Variants in CMIP observed in about 807,000 individuals in gnomAD.
CMIP encodes c-Maf inducing protein, also known as C-Maf-inducing protein.
In CMIP, 13 loss-of-function variants were observed where a neutral mutation model predicts 97.3. The observed-to-expected ratio is 0.13, with a 90% CI of 0.09 to 0.21. The LOEUF (loss-of-function observed/expected upper bound fraction) is 0.21. Ranked by LOEUF, CMIP falls within the 10% of genes least tolerant of loss-of-function variation. The pLI, the probability that CMIP is intolerant of heterozygous loss-of-function variation, is 1.00. For missense variants in CMIP, 847 were observed against 1,024.9 expected, an observed-to-expected ratio of 0.83 and a Z score of 2.37; for synonymous variants, 538 against 436.3, an observed-to-expected ratio of 1.23 and a Z score of -2.91.
intron 1 of CMIP, among the ~76,000 whole-genome samples, chr16:81,530,342 C>T (rs1489396293): frequency 3.3e-5 from 5 of 152,146 alleles, no homozygotes; most frequent in South Asian, 2.1e-4. Context: ...ATCCGGATCC[C>T]TCAGGGACCT....
At chr16:81,481,357 G>A (rs1317443320) in intron 1 of CMIP, among the ~76,000 whole-genome samples, 4 of 152,010 alleles carry the variant, frequency 2.6e-5, no homozygotes, top group African/African-American at 9.7e-5. Context: ...GGCCTTGAGC[G>A]ACTGTGTGTA....
chr16:81,531,634 G>T (rs984763350), intron 1 of CMIP, among the ~76,000 whole-genome samples: 4 of 152,226 alleles, frequency 2.6e-5, no homozygotes, highest in African/African-American at 9.6e-5. Flanking sequence ...CACACCTCGA[G>T]GGGCAAGCCT....
At position 81,598,968 on chromosome 16, in the gene CMIP, C is replaced by CAAAAAAAAAAAAAAAAAAA. The variant is rs141717317; in HGVS notation, c.301-8595_301-8577dup. ...TGAGTGACAGAGCAAGACTCTGTCT[C>CAAAAAAAAAAAAAAAAAAA]AAAAAAAAAAAAAAAAAAAAAAGAG... is the stretch of plus-strand genomic sequence containing the variant. On this transcript the variant is annotated intron_variant, in intron 1 of 20. Transcript: ENST00000537098. 6.6e-4 allele frequency among the ~76,000 whole-genome samples: 33 copies of CAAAAAAAAAAAAAAAAAAA among 49,844 alleles called. 1 individual carries two copies. Among genetic ancestry groups the CAAAAAAAAAAAAAAAAAAA allele is most frequent in the East Asian group, 1.8e-3 (3 of 1,628 alleles). 32.7% of individuals were successfully genotyped at this position (49,844 alleles called of 152,430 possible). A position where few individuals can be genotyped will look rare whatever the true frequency, so the allele number is the denominator to read the frequency against.
chr16:81,661,494 T>C (rs1051059858), intron 6 of CMIP, among the ~76,000 whole-genome samples: 3 of 152,318 alleles, frequency 2.0e-5, no homozygotes, highest in Admixed American at 6.5e-5. Flanking sequence ...TGCTGTGTGG[T>C]TTTTTTAGTG....
chr16:81,573,836 C>T (rs965378172), intron 1 of CMIP, among the ~76,000 whole-genome samples: 1 of 152,188 alleles, frequency 6.6e-6, no homozygotes, highest in Non-Finnish European at 1.5e-5. Flanking sequence ...ATGCGTGGCC[C>T]AGAGGCAGTT....
intron 8 of CMIP, among the ~76,000 whole-genome samples, chr16:81,670,921 C>T (rs76335331): frequency 0.1 from 15,310 of 152,040 alleles, 1,266 homozygotes; most frequent in East Asian, 0.39. Context: ...CTCCGGCTCC[C>T]GGGTTCAAGC....
Position 81,616,152 on chromosome 16 carries a change from TA to T in CMIP, c.427-4723del, listed in dbSNP as rs372888608. On this transcript the variant is annotated intron_variant, in intron 2 of 20. Transcript: ENST00000537098. The surrounding 1 kb of genome is among the most constrained non-coding windows in gnomAD (Gnocchi z 4.7). Reference sequence around the variant, plus strand: ...TACATGTCATTAATTCATTCAGCTGTATTTTTTTTTTTTTTTTTTTAACACC... The same window carrying T: ...TACATGTCATTAATTCATTCAGCTGTTTTTTTTTTTTTTTTTTTTAACACC... 2.1e-5 allele frequency among the ~76,000 whole-genome samples: 3 copies of T among 139,606 alleles called. No individual in the cohort carries two copies. Among genetic ancestry groups the T allele is most frequent in the Non-Finnish European group, 4.7e-5 (3 of 64,516 alleles). The allele number at this position is 139,606 out of a possible 152,430, so 91.6% of individuals were successfully genotyped here.
chr16:81,613,602 T>C (rs892569192), intron 2 of CMIP, among the ~76,000 whole-genome samples: 5 of 152,234 alleles, frequency 3.3e-5, no homozygotes, highest in African/African-American at 1.2e-4. Context: ...TGTAAAATAC[T>C]TAGCACTGTG....
chr16:81,651,235 G>C (rs1402299066), intron 3 of CMIP: 1 of 153,434 alleles, frequency 6.5e-6, no homozygotes, highest in Non-Finnish European at 1.4e-5. Flanking sequence ...AGCAGGCCGG[G>C]TGCATGGGGC....
chr16:81,578,554 G>C (rs73596490), intron 1 of CMIP, among the ~76,000 whole-genome samples: 5,780 of 152,268 alleles, frequency 0.038, 325 homozygotes, highest in African/African-American at 0.12. Flanking sequence ...GCTCACATTG[G>C]AGAGAGCTGT....
At chr16:81,484,621 C>G (rs1597466467) in intron 1 of CMIP, among the ~76,000 whole-genome samples, 1 of 152,146 alleles carries the variant, frequency 6.6e-6, no homozygotes, top group Non-Finnish European at 1.5e-5. Context: ...ATCTCCGGCT[C>G]TCTGCTGCAG....
chr16:81,652,240 C>G lies in CMIP; in HGVS notation c.515C>G (p.Pro172Arg). The change falls in exon 4 of 21, where the codon CCA (proline) becomes CGA (arginine). Residue 172 changes from proline to arginine, a missense_variant. Pro to Arg is a moderately radical substitution (Grantham distance 103). Coordinates refer to ENST00000537098, the MANE Select transcript of CMIP (RefSeq NM_198390.3). The surrounding 1 kb of genome is among the most constrained non-coding windows in gnomAD (Gnocchi z 5.2). ...AAATATAAGAAAGTGCTGAGTAACC[C>G]AAGCCGCTGGGAAGTTGTCTTGAAA... ...IYKYKKVLSN[P>R]SRWEVVLKEI... 1 of 1,613,680 alleles carries G rather than the reference C, an allele frequency of 6.2e-7. No homozygotes were observed. Among genetic ancestry groups the G allele is most frequent in the Non-Finnish European group, 8.5e-7 (1 of 1,179,626 alleles).
At chr16:81,618,249 G>A (rs1039204845) in intron 2 of CMIP, among the ~76,000 whole-genome samples, 3 of 152,102 alleles carry the variant, frequency 2.0e-5, no homozygotes, top group African/African-American at 4.8e-5. Flanking sequence ...GGAGGCTCTC[G>A]GGGAGAATTC....
chr16:81,702,471 T>C, intron 16 of CMIP, 151 bp from the exon 17 acceptor site: 1 of 742,078 alleles, frequency 1.3e-6, no homozygotes, highest in Non-Finnish European at 2.3e-6. Flanking sequence ...AAACCTCATC[T>C]CCGGGTTTGC....
intron 1 of CMIP, among the ~76,000 whole-genome samples, chr16:81,497,635 G>A (rs2150773390): frequency 6.6e-6 from 1 of 152,360 alleles, no homozygotes; most frequent in East Asian, 1.9e-4. Flanking sequence ...CTCCGAGGGT[G>A]TCTGGGCCTG....
intron 1 of CMIP, among the ~76,000 whole-genome samples, chr16:81,528,503 A>G (rs1278346051): frequency 3.3e-5 from 5 of 152,238 alleles, no homozygotes; most frequent in Non-Finnish European, 7.3e-5. Context: ...CTGGCCTGGT[A>G]GAAGTTCTTA....
intron 2 of CMIP, among the ~76,000 whole-genome samples, chr16:81,615,602 T>G (rs1180223280): frequency 7.0e-6 from 1 of 142,416 alleles, no homozygotes; most frequent in Non-Finnish European, 1.5e-5. Context: ...GTGTGTGGTG[T>G]ATGTGTCTTT....
intron 1 of CMIP, among the ~76,000 whole-genome samples, chr16:81,597,691 C>T (rs755953264): frequency 6.6e-6 from 1 of 152,144 alleles, no homozygotes; most frequent in Non-Finnish European, 1.5e-5. Context: ...GGGGCTCCAG[C>T]AGGGGCTTGG....
chr16:81,577,597 C>T (rs987082852), intron 1 of CMIP, among the ~76,000 whole-genome samples: 7 of 147,376 alleles, frequency 4.7e-5, no homozygotes, highest in Non-Finnish European at 7.4e-5. Context: ...ACCATCATCC[C>T]CATTACCACT....
Sources: gnomAD v4.1 joint callset for allele counts (sites outside exome capture counted in the v4.1 genomes callset) on GRCh38, gnomAD v4.1.1 for gene constraint, Gnocchi (gnomAD v3.1) non-coding constraint, MANE v1.5 for transcripts, NCBI Gene and HGNC (gene_info 2026-07-23, HGNC 2026-07-21) for gene names.